Variants in SPACDR observed in about 807,000 individuals in gnomAD.
SPACDR encodes sperm acrosome developmental regulator.
chr7:100,461,818 C>T, the SPACDR span, among the ~76,000 whole-genome samples: 1 of 151,514 alleles, frequency 6.6e-6, no homozygotes, highest in South Asian at 2.1e-4. Flanking sequence ...TGAAACCCTG[C>T]CTCTACTAAA....
At chr7:100,464,126 C>T in the SPACDR span, 1 of 1,542,942 alleles carries the variant, frequency 6.5e-7, no homozygotes, top group Non-Finnish European at 8.7e-7. Context: ...CGGTGACCAC[C>T]TCTTGAGGGG....
At chr7:100,461,773 AG>A in the SPACDR span, among the ~76,000 whole-genome samples, 7 of 151,842 alleles carry the variant, frequency 4.6e-5, no homozygotes, top group African/African-American at 1.7e-4. Context: ...ACAGATCACG[AG>A]GTCAGGAGAT....
chr7:100,464,117 G>A, the SPACDR span: 84 of 1,542,368 alleles, frequency 5.4e-5, no homozygotes, highest in East Asian at 1.7e-3. Flanking sequence ...GCTGTGGGCC[G>A]GTGACCACCT....
At chr7:100,459,842 G>T in the SPACDR span, among the ~76,000 whole-genome samples, 1 of 151,894 alleles carries the variant, frequency 6.6e-6, no homozygotes, top group Non-Finnish European at 1.5e-5. Context: ...TGAAGGACAT[G>T]GGTTGATTTT....
At chr7:100,459,089 C>T in the SPACDR span, among the ~76,000 whole-genome samples, 14 of 150,068 alleles carry the variant, frequency 9.3e-5, no homozygotes, top group South Asian at 2.8e-3. Context: ...CTGCAAGCTC[C>T]GCCTCCCGGG....
chr7:100,459,318 T>C, the SPACDR span, among the ~76,000 whole-genome samples: 1 of 150,248 alleles, frequency 6.7e-6, no homozygotes, highest in Non-Finnish European at 1.5e-5. Flanking sequence ...CCTTTATTTT[T>C]TCAGGCAGAG....
At chr7:100,457,803 A>AGTG in the SPACDR span, among the ~76,000 whole-genome samples, 1 of 72,606 alleles carries the variant, frequency 1.4e-5, no homozygotes, top group South Asian at 6.0e-4. Flanking sequence ...ATATATATAT[A>AGTG]TGTGTGTGTG....
chr7:100,460,589 T>TAA, the SPACDR span, among the ~76,000 whole-genome samples: 2 of 135,172 alleles, frequency 1.5e-5, no homozygotes, highest in African/African-American at 5.4e-5. Flanking sequence ...GACTCCATCA[T>TAA]AAAAAAAAAA....
At chr7:100,461,972 G>A in the SPACDR span, among the ~76,000 whole-genome samples, 3 of 131,912 alleles carry the variant, frequency 2.3e-5, no homozygotes, top group African/African-American at 5.7e-5. Context: ...CAACCTGGGC[G>A]ACAGACTCCG....
At chr7:100,457,921 T>G in the SPACDR span, among the ~76,000 whole-genome samples, 1 of 146,598 alleles carries the variant, frequency 6.8e-6, no homozygotes, top group East Asian at 2.0e-4. Context: ...TGAGCTCAAG[T>G]GATCCACCTG....
At chr7:100,463,310 G>A in the SPACDR span, 1 of 1,391,628 alleles carries the variant, frequency 7.2e-7, no homozygotes, top group African/African-American at 1.4e-5. Context: ...AGAGGGAGGG[G>A]TGAGTCACTG....
At chr7:100,459,427 C>T in the SPACDR span, among the ~76,000 whole-genome samples, 2 of 151,842 alleles carry the variant, frequency 1.3e-5, no homozygotes, top group Admixed American at 6.6e-5. Flanking sequence ...CTCAGCCTCC[C>T]GAGTAGCCCA....
the SPACDR span, chr7:100,456,796 T>A: frequency 6.8e-6 from 11 of 1,613,056 alleles, no homozygotes; most frequent in Middle Eastern, 3.3e-4. Context: ...TGAGCCGGGT[T>A]GGGTCGGGGG....
the SPACDR span, chr7:100,463,789 C>T: frequency 7.9e-7 from 1 of 1,258,462 alleles, no homozygotes; most frequent in East Asian, 2.3e-5. Context: ...CAGTGAGTTT[C>T]CTGGCCTCTC....
At chr7:100,461,345 C>T in the SPACDR span, among the ~76,000 whole-genome samples, 17 of 152,184 alleles carry the variant, frequency 1.1e-4, no homozygotes, top group South Asian at 2.7e-3. Flanking sequence ...GGCACGATCT[C>T]GGCTCACTGC....
the SPACDR span, among the ~76,000 whole-genome samples, chr7:100,460,780 A>C: frequency 6.6e-6 from 1 of 151,740 alleles, no homozygotes; most frequent in African/African-American, 2.4e-5. Flanking sequence ...AGTAGCTGGG[A>C]CTACAGGCAT....
the SPACDR span, among the ~76,000 whole-genome samples, chr7:100,459,893 AT>A: frequency 5.7e-3 from 797 of 140,734 alleles, no homozygotes; most frequent in African/African-American, 5.0e-3. Flanking sequence ...CCACATTTAG[AT>A]TTTTTTTTTT....
the SPACDR span, chr7:100,456,970 C>T: frequency 1.9e-6 from 3 of 1,612,280 alleles, no homozygotes; most frequent in East Asian, 6.7e-5. Flanking sequence ...CTGACTGAGG[C>T]AGAACTCACT....
At chr7:100,460,203 T>G in the SPACDR span, among the ~76,000 whole-genome samples, 1 of 151,802 alleles carries the variant, frequency 6.6e-6, no homozygotes. Context: ...ATTTAGATTT[T>G]TGTGTGAACA....
Sources: allele counts gnomAD v4.1 joint callset (sites outside exome capture counted in the v4.1 genomes callset), GRCh38; gene constraint gnomAD v4.1.1; transcripts MANE v1.5; gene names NCBI Gene and HGNC (gene_info 2026-07-23, HGNC 2026-07-21).